The following CACNB4 variants were observed in gnomAD, a reference collection of about 807,000 sequenced individuals.
The protein encoded by CACNB4 is voltage-dependent L-type calcium channel subunit beta-4.
A neutral mutation model predicts 71.2 loss-of-function variants in CACNB4; 32 were observed. That is an observed-to-expected ratio of 0.45 (90% CI 0.34 to 0.60). CACNB4 has a LOEUF of 0.60. Among genes scored for constraint, CACNB4 ranks in the 20% least tolerant of loss-of-function variants. The probability of loss-of-function intolerance (pLI) is 0.01; values close to 1 mark genes in which losing one functional copy is unlikely to be tolerated. For synonymous variants in CACNB4, 231 were observed against 236.9 expected, an observed-to-expected ratio of 0.97 and a Z score of 0.23; for missense variants, 464 against 647.9, an observed-to-expected ratio of 0.72 and a Z score of 3.08.
In CACNB4 at chr2:151,872,440, A is replaced by C. The variant is rs773252279; in HGVS notation, c.575T>G (p.Phe192Cys). 5 of 1,602,500 alleles carry C rather than the reference A, an allele frequency of 3.1e-6. No homozygotes were observed. The highest frequency in any genetic ancestry group is 3.4e-6 in the Non-Finnish European group (4 of 1,171,432). The part of the protein sequence containing the change: ...SSLGEMVSGT[F>C]RATPTSTAKQ... ...ACCTGTTGATGTGGGAGTTGCTCGG[A>C]ATGTCCCAGATACCATTTCTCCAAG... Residue 192 changes from phenylalanine (F) to cysteine (C), a missense_variant, in exon 6 of 14, where the codon TTC becomes TGC. Phe to Cys is a radical substitution (Grantham distance 205). Coordinates refer to ENST00000539935, the MANE Select transcript of CACNB4 (RefSeq NM_000726.5).
Position 151,920,549 on chromosome 2 carries a change from C to A in CACNB4, c.148-37179G>T, listed in dbSNP as rs2099858734. ...ACAGGCTCTTGCTATGTTTCCCTGGCTAGTCCTGGCCTCAAGCAATCCTCC... is the reference window on the plus strand; with the variant it reads ...ACAGGCTCTTGCTATGTTTCCCTGGATAGTCCTGGCCTCAAGCAATCCTCC... On this transcript the variant is annotated intron_variant, in intron 2 of 13. Transcript: ENST00000539935. Among the ~76,000 whole-genome samples the A allele has an allele frequency of 2.0e-5, 3 of 151,924 alleles. 1 individual carries two copies. The South Asian group carries it at 6.2e-4, about 32-fold the overall frequency.
At chr2:151,966,493 C>A (rs2099871155) in intron 2 of CACNB4, among the ~76,000 whole-genome samples, 1 of 152,072 alleles carries the variant, frequency 6.6e-6, no homozygotes, top group Non-Finnish European at 1.5e-5. Context: ...CTTGGCCAGG[C>A]TGGTCTCAAA....
At chr2:152,088,185 G>A (rs999148231) in intron 2 of CACNB4, among the ~76,000 whole-genome samples, 38 of 95,156 alleles carry the variant, frequency 4.0e-4, no homozygotes, top group Middle Eastern at 6.1e-3. Flanking sequence ...ACACACACAC[G>A]GCAAATTAAA....
At chr2:151,895,118 A>C (rs957724866) in intron 2 of CACNB4, among the ~76,000 whole-genome samples, 14 of 149,970 alleles carry the variant, frequency 9.3e-5, no homozygotes, top group African/African-American at 3.2e-4. Context: ...ACACACACAC[A>C]CACACACACA....
intron 2 of CACNB4, among the ~76,000 whole-genome samples, chr2:151,990,598 G>A (rs938106121): frequency 1.3e-5 from 2 of 152,140 alleles, no homozygotes; most frequent in African/African-American, 4.8e-5. Context: ...CATAGAAAGT[G>A]CCCCCCAATC....
chr2:151,925,023 T>C (rs2099859889), intron 2 of CACNB4, among the ~76,000 whole-genome samples: 1 of 152,222 alleles, frequency 6.6e-6, no homozygotes, highest in South Asian at 2.1e-4. Context: ...TGTACTCAGC[T>C]GTTTATTCCT....
upstream of CACNB4, chr2:152,099,149 T>A (rs2105508043): frequency 3.7e-6 from 2 of 534,134 alleles, no homozygotes; most frequent in East Asian, 7.0e-5. Flanking sequence ...CCAGGCTCCC[T>A]GCCCGCACTT....
chr2:151,875,891 AG>A (rs1244664310), intron 5 of CACNB4, among the ~76,000 whole-genome samples: 2 of 135,318 alleles, frequency 1.5e-5, no homozygotes, highest in African/African-American at 5.4e-5. Flanking sequence ...GGCCGGGCAG[AG>A]GGGCTCCTCA....
intron 2 of CACNB4, among the ~76,000 whole-genome samples, chr2:152,007,985 T>C (rs1682827741): frequency 6.6e-6 from 1 of 152,062 alleles, no homozygotes; most frequent in Non-Finnish European, 1.5e-5. Context: ...TTGGCCAGGC[T>C]GGTCTTGAAC....
intron 2 of CACNB4, among the ~76,000 whole-genome samples, chr2:152,063,834 C>G (rs1396630605): frequency 6.6e-6 from 1 of 152,162 alleles, no homozygotes; most frequent in Non-Finnish European, 1.5e-5. Context: ...GAATGAAAAG[C>G]CAGTTTTGCC....
chr2:152,070,687 T>G (rs992346017), intron 2 of CACNB4, among the ~76,000 whole-genome samples: 2 of 152,184 alleles, frequency 1.3e-5, no homozygotes, highest in Non-Finnish European at 2.9e-5. Context: ...AGAGGCTAAT[T>G]TAAACAGGTA....
intron 2 of CACNB4, among the ~76,000 whole-genome samples, chr2:152,056,866 CTA>C (rs1007829422): frequency 1.3e-5 from 2 of 150,556 alleles, no homozygotes; most frequent in Middle Eastern, 3.4e-3. Context: ...TTGTTCTCTG[CTA>C]TGTGTCTTGT....
Position 151,840,647 on chromosome 2 carries a change from T to C in CACNB4, c.1302+1256A>G, listed in dbSNP as rs181335141. Among the ~76,000 whole-genome samples, 297 of 152,364 alleles carry C rather than the reference T, an allele frequency of 1.9e-3. 1 individual carries two copies. The highest frequency in any genetic ancestry group is 3.4e-3 in the Middle Eastern group (1 of 294). On this transcript the variant is annotated intron_variant, in intron 13 of 13. Transcript: ENST00000539935. ...ACAGTACATTTTTCATGTTCATTTC[T>C]AGTTTCAAAAGCTATTCATTTGCAT...
At position 151,991,281 on chromosome 2, in the gene CACNB4, T is replaced by A. The variant is rs560786028; in HGVS notation, c.147+107049A>T. ...GAGTACAGTAGTTCCATTTTGGAGA[T>A]CCAATTTAGTTCTTATTAATCAATA... On this transcript the variant is annotated intron_variant, in intron 2 of 13. Transcript: ENST00000539935. Among the ~76,000 whole-genome samples the A allele has an allele frequency of 3.5e-4, 53 of 152,324 alleles. 1 individual carries two copies. The highest frequency in any genetic ancestry group is 1.2e-3 in the African/African-American group (48 of 41,580).
intron 2 of CACNB4, among the ~76,000 whole-genome samples, chr2:151,985,915 T>C (rs957778843): frequency 6.6e-6 from 1 of 152,134 alleles, no homozygotes; most frequent in Non-Finnish European, 1.5e-5. Flanking sequence ...GAAAAATCCA[T>C]TTACACTCCA....
At position 152,065,282 on chromosome 2, in the gene CACNB4, G is replaced by A. The variant is rs530492592; in HGVS notation, c.147+33048C>T. On this transcript the variant is annotated intron_variant, in intron 2 of 13. Coordinates refer to ENST00000539935, the MANE Select transcript of CACNB4 (RefSeq NM_000726.5). ...GCCTATAATCCCAACTACTCGGGAG[G>A]CTGAGGCAGGAGAATCACTTGAACC... is the stretch of plus-strand genomic sequence containing the variant. Among the ~76,000 whole-genome samples, 63 of 152,174 alleles carry A rather than the reference G, an allele frequency of 4.1e-4. No individual in the cohort carries two copies. The South Asian group carries it at 8.1e-3, about 20-fold the overall frequency.
intron 2 of CACNB4, among the ~76,000 whole-genome samples, chr2:151,998,363 T>C (rs374315317): frequency 1.3e-5 from 2 of 148,776 alleles, no homozygotes; most frequent in East Asian, 2.0e-4. Context: ...AAGTAAATTA[T>C]GTAAACTGGA....
At chr2:152,059,313 C>A (rs2105326085) in intron 2 of CACNB4, among the ~76,000 whole-genome samples, 1 of 152,366 alleles carries the variant, frequency 6.6e-6, no homozygotes, top group African/African-American at 2.4e-5. Context: ...GCTGCAGACC[C>A]TCAACGGCAG....
At chr2:152,038,357 T>C (rs953963839) in intron 2 of CACNB4, among the ~76,000 whole-genome samples, 2 of 152,226 alleles carry the variant, frequency 1.3e-5, no homozygotes, top group African/African-American at 4.8e-5. Context: ...TTTGGCCTAA[T>C]GAGCCAAATT....
Sources: gnomAD v4.1 joint callset for allele counts (sites outside exome capture counted in the v4.1 genomes callset) on GRCh38, gnomAD v4.1.1 for gene constraint, MANE v1.5 for transcripts, NCBI Gene and HGNC (gene_info 2026-07-23, HGNC 2026-07-21) for gene names.